Variants in TMCO5A observed in about 807,000 individuals in gnomAD.
TMCO5A encodes transmembrane and coiled-coil domains 5A.
In TMCO5A, 34 loss-of-function variants were observed where a neutral mutation model predicts 42.3. The ratio of observed to expected loss-of-function variants is 0.80; its 90% CI spans 0.61 to 1.07. The LOEUF (loss-of-function observed/expected upper bound fraction) is 1.07, where lower values mean the gene tolerates loss of function less well. Among genes scored for constraint, TMCO5A ranks in the 50% least tolerant of loss-of-function variants. The pLI, the probability that TMCO5A is intolerant of heterozygous loss-of-function variation, is 0.00. For synonymous variants in TMCO5A, 131 were observed against 115.6 expected (o/e 1.13, Z -0.86); for missense variants, 357 against 327.9 (o/e 1.09, Z -0.69).
intron 11 of TMCO5A, among the ~76,000 whole-genome samples, chr15:37,963,405 G>A (rs1359489493): frequency 6.6e-6 from 1 of 152,084 alleles, no homozygotes; most frequent in African/African-American, 2.4e-5. Context: ...TTCCACTGTG[G>A]TCTGAGAGAG....
At chr15:38,035,041 G>A in the TMCO5A span, among the ~76,000 whole-genome samples, 1 of 152,264 alleles carries the variant, frequency 6.6e-6, no homozygotes, top group Middle Eastern at 3.4e-3. Context: ...TGTGAGAGTG[G>A]GTCTTTGTTG....
the TMCO5A span, among the ~76,000 whole-genome samples, chr15:37,978,410 G>A: frequency 6.6e-6 from 1 of 152,240 alleles, no homozygotes; most frequent in African/African-American, 2.4e-5. Flanking sequence ...GGAATGCGCA[G>A]TCAGGGGTGG....
At chr15:38,025,802 C>T in the TMCO5A span, among the ~76,000 whole-genome samples, 5 of 152,140 alleles carry the variant, frequency 3.3e-5, no homozygotes, top group African/African-American at 4.8e-5. Flanking sequence ...GGGAGGGACC[C>T]AGTGGGAAAC....
the TMCO5A span, among the ~76,000 whole-genome samples, chr15:38,022,109 C>T: frequency 6.6e-6 from 1 of 152,190 alleles, no homozygotes; most frequent in Admixed American, 6.5e-5. Flanking sequence ...CACACCCGGC[C>T]AGTTTCTTAC....
chr15:38,027,480 T>C, the TMCO5A span, among the ~76,000 whole-genome samples: 21 of 152,356 alleles, frequency 1.4e-4, no homozygotes, highest in African/African-American at 4.8e-4. Context: ...AGCTTGCTTT[T>C]GACTTTACAA....
the TMCO5A span, among the ~76,000 whole-genome samples, chr15:38,037,771 T>C: frequency 6.6e-6 from 1 of 152,110 alleles, no homozygotes; most frequent in Admixed American, 6.5e-5. Flanking sequence ...TTCCAGCAAG[T>C]TGGGAGGCCA....
chr15:37,945,187 C>A (rs1206526341), intron 10 of TMCO5A, among the ~76,000 whole-genome samples: 1 of 152,076 alleles, frequency 6.6e-6, no homozygotes, highest in Non-Finnish European at 1.5e-5. Flanking sequence ...CCACCCATGT[C>A]CCTGCAAAGG....
Position 37,966,678 on chromosome 15 carries a change from C to G in TMCO5A, c.*35C>G, listed in dbSNP as rs139947091. 196 of 702,900 alleles carry G rather than the reference C, an allele frequency of 2.8e-4. 1 individual carries two copies. The East Asian group carries it at 5.2e-3, about 19-fold the overall frequency. 43.5% of individuals were successfully genotyped at this position (702,900 alleles called of 1,614,324 possible). A position where few individuals can be genotyped will look rare whatever the true frequency, so the allele number is the denominator to read the frequency against. On this transcript the variant is annotated 3_prime_UTR_variant, in exon 12 of 12. Transcript: ENST00000559502. ...GGCTGCCAACAATCCAGATCTCGTACTACCAGATTGGCAACCTTTGCAGAA... is the reference window on the plus strand; with the variant it reads ...GGCTGCCAACAATCCAGATCTCGTAGTACCAGATTGGCAACCTTTGCAGAA...
rs151109515 is a variant in TMCO5A at position 37,942,233 on chromosome 15, G to A, written c.547G>A (p.Ala183Thr). ...GAAGAAAATAGAAGAAGAACTAGAG[G>A]CTCTGTTCCTTGAGAGAGAAGTGTG... The part of the protein sequence containing the change: ...TLKKIEEELE[A>T]LFLEREVSKL... The change falls in exon 9 of 12, where the codon GCT (alanine) becomes ACT (threonine). Residue 183 changes from alanine (A) to threonine (T), a missense_variant. By Grantham distance (58) the Ala-to-Thr change is moderately conservative. Coordinates refer to ENST00000319669, the MANE Select transcript of TMCO5A (RefSeq NM_152453.4). 5.6e-6 allele frequency: 9 copies of A among 1,612,778 alleles called. No individual in the cohort carries two copies. The African/African-American group carries it at 1.2e-4, about 22-fold the overall frequency.
chr15:38,036,278 T>C, the TMCO5A span, among the ~76,000 whole-genome samples: 1 of 152,128 alleles, frequency 6.6e-6, no homozygotes, highest in Non-Finnish European at 1.5e-5. Context: ...CTCCCTCTGC[T>C]CCATCTTTTC....
At chr15:38,004,909 G>C in the TMCO5A span, 1 of 152,116 alleles carries the variant, frequency 6.6e-6, no homozygotes, top group Non-Finnish European at 1.5e-5. Flanking sequence ...TGTTCCTCTG[G>C]GGGGGTGTAT....
chr15:37,947,691 TA>T lies in TMCO5A; in HGVS notation c.668del (p.Lys223ArgfsTer17). 6.3e-7 allele frequency: 1 copy of T among 1,598,378 alleles called. No individual in the cohort carries two copies. Among genetic ancestry groups the T allele is most frequent in the Non-Finnish European group, 8.5e-7 (1 of 1,169,634 alleles). ...PTQKTARLFS[K>X]KIFCCLFFIT... is the part of the protein sequence containing the mutation. ...CCCAAAAGACAGCAAGATTATTCAGTAAAAAGTAAGTAAAATATCTTCAGGT... is the reference window on the plus strand; with the variant it reads ...CCCAAAAGACAGCAAGATTATTCAGTAAAAGTAAGTAAAATATCTTCAGGT... On this transcript the variant is annotated frameshift_variant, in exon 11 of 12. Transcript: ENST00000319669. LOFTEE classifies it high-confidence loss of function.
the TMCO5A span, among the ~76,000 whole-genome samples, chr15:38,022,840 T>G: frequency 6.6e-6 from 1 of 152,138 alleles, no homozygotes; most frequent in Non-Finnish European, 1.5e-5. Flanking sequence ...TTTAATAAAA[T>G]AACTATGATA....
At chr15:37,951,597 C>T (rs116336448), downstream of TMCO5A, 3,310 of 190,372 alleles carry the variant, frequency 0.017, 122 homozygotes, top group African/African-American at 0.072. Flanking sequence ...TATATTAGAA[C>T]TCATAGGTTA....
At chr15:37,957,137 C>T (rs539285256) in intron 11 of TMCO5A, among the ~76,000 whole-genome samples, 110 of 152,258 alleles carry the variant, frequency 7.2e-4, no homozygotes, top group African/African-American at 2.6e-3. Flanking sequence ...CAATATCATA[C>T]TGAATGGGCA....
downstream of TMCO5A, among the ~76,000 whole-genome samples, chr15:37,970,072 T>G (rs941481241): frequency 6.6e-6 from 1 of 152,244 alleles, no homozygotes; most frequent in Middle Eastern, 3.2e-3. Context: ...TGGTTAATTC[T>G]GTTTTAAGTT....
chr15:38,036,477 GTT>G, the TMCO5A span, among the ~76,000 whole-genome samples: 1 of 120,804 alleles, frequency 8.3e-6, no homozygotes, highest in Admixed American at 9.3e-5. Flanking sequence ...CTTTCTCTCT[GTT>G]TTTGTCTCTC....
the TMCO5A span, chr15:38,040,478 C>T: frequency 2.0e-5 from 3 of 152,054 alleles, no homozygotes; most frequent in East Asian, 1.9e-4. Context: ...AATATATGTC[C>T]GTGCAAAAAC....
At chr15:37,989,984 A>T in the TMCO5A span, among the ~76,000 whole-genome samples, 1 of 152,110 alleles carries the variant, frequency 6.6e-6, no homozygotes, top group East Asian at 1.9e-4. Flanking sequence ...TTCAGACCAC[A>T]GCAGATACTT....
Sources: allele counts gnomAD v4.1 joint callset (sites outside exome capture counted in the v4.1 genomes callset), GRCh38; gene constraint gnomAD v4.1.1; transcripts MANE v1.5; gene names NCBI Gene and HGNC (gene_info 2026-07-23, HGNC 2026-07-21).